The following KMT2A variants were observed in gnomAD, a reference collection of about 807,000 sequenced individuals.
The protein encoded by KMT2A is histone-lysine N-methyltransferase 2A.
In KMT2A, 16 loss-of-function variants were observed where a neutral mutation model predicts 345.3. That is an observed-to-expected ratio of 0.05 (90% CI 0.03 to 0.07). The LOEUF (loss-of-function observed/expected upper bound fraction) is 0.07. Among genes scored for constraint, KMT2A ranks in the 10% least tolerant of loss-of-function variants. The pLI is 1.00. For missense variants in KMT2A, 3,272 were observed against 4,841.6 expected, an observed-to-expected ratio of 0.68 and a Z score of 9.62; for synonymous variants, 1,599 against 1,778.6, an observed-to-expected ratio of 0.90 and a Z score of 2.54.
intron 1 of KMT2A, chr11:118,449,600 A>AG (rs1949491067): frequency 6.6e-6 from 1 of 151,476 alleles, no homozygotes; most frequent in Non-Finnish European, 1.5e-5. Context: ...AAAAAAAAAA[A>AG]AAAGAGAAAA....
At chr11:118,508,721 A>C (rs1950632353) in intron 28 of KMT2A, among the ~76,000 whole-genome samples, 2 of 112,880 alleles carry the variant, frequency 1.8e-5, no homozygotes, top group South Asian at 5.3e-4. Flanking sequence ...AACCTATCTC[A>C]AAAAAAAAAA....
chr11:118,516,715 G>GAAT (rs1950823275), intron 31 of KMT2A, among the ~76,000 whole-genome samples: 1 of 152,088 alleles, frequency 6.6e-6, no homozygotes, highest in Non-Finnish European at 1.5e-5. Flanking sequence ...TTTATTGAAT[G>GAAT]AATAAATGAG....
Position 118,490,253 on chromosome 11 carries a change from C to A in KMT2A, c.4696+4C>A. Reference sequence around the variant, plus strand: ...TGCGCCAAGCTCTTTGCTAAAGGTACCCAAAAAAGCCAGTTTTGCCAGCTT... The same window carrying A: ...TGCGCCAAGCTCTTTGCTAAAGGTAACCAAAAAAGCCAGTTTTGCCAGCTT... On this transcript the variant is annotated splice_donor_region_variant and intron_variant, in intron 13 of 35. Transcript: ENST00000534358. This position sits in a 1 kb window ranked among gnomAD's most constrained non-coding sequence, Gnocchi z 4.2. 6.5e-7 allele frequency: 1 copy of A among 1,542,932 alleles called. No individual in the cohort carries two copies. The highest frequency in any genetic ancestry group is 1.3e-5 in the South Asian group (1 of 79,434).
Position 118,505,531 on chromosome 11 carries a change from A to G in KMT2A, c.9639A>G (p.Thr3213=). The change falls in exon 27 of 36, where the codon ACA becomes ACG. Residue 3213 remains threonine, a synonymous_variant. Coordinates refer to ENST00000534358, the MANE Select transcript of KMT2A (RefSeq NM_001197104.2). The surrounding 1 kb of genome is among the most constrained non-coding windows in gnomAD (Gnocchi z 4.6). ...ESSQRTDLST[T]VATPSSGLKK... ...GCCAGAGGACAGACCTCAGTACCAC[A>G]GTAGCCACTCCATCCTCTGGACTCA... 1 of 1,614,166 alleles carries G rather than the reference A, an allele frequency of 6.2e-7. No individual in the cohort carries two copies. The highest frequency in any genetic ancestry group is 1.1e-5 in the South Asian group (1 of 91,078).
Position 118,494,420 on chromosome 11 carries a change from T to C in KMT2A, c.5289+22T>C. 1 of 1,223,266 alleles carries C rather than the reference T, an allele frequency of 8.2e-7. No individual in the cohort carries two copies. Among genetic ancestry groups the C allele is most frequent in the Non-Finnish European group, 1.2e-6 (1 of 826,564 alleles). 75.8% of individuals were successfully genotyped at this position (1,223,266 alleles called of 1,614,324 possible). ...TCGGGTGAATGATATTACTAATTCA[T>C]GTTTTTAATGCTTACCTATAAGTAA... On this transcript the variant is annotated intron_variant, in intron 17 of 35. Coordinates refer to ENST00000534358, the MANE Select transcript of KMT2A (RefSeq NM_001197104.2). This position sits in a 1 kb window ranked among gnomAD's most constrained non-coding sequence, Gnocchi z 5.8.
rs781797424 is a variant in KMT2A at position 118,476,833 on chromosome 11, C to T, written c.3185C>T (p.Ser1062Phe). 1 of 1,612,848 alleles carries T rather than the reference C, an allele frequency of 6.2e-7. No individual in the cohort carries two copies. Among genetic ancestry groups the T allele is most frequent in the Non-Finnish European group, 8.5e-7 (1 of 1,178,854 alleles). ...QGQESDSSET[S>F]VRGPRIKHVC... Reference sequence around the variant, plus strand: ...CAAGAAAGTGACTCATCAGAGACCTCTGTGCGAGGACCCCGGATTAAACAT... The same window carrying T: ...CAAGAAAGTGACTCATCAGAGACCTTTGTGCGAGGACCCCGGATTAAACAT... The change falls in exon 4 of 36, where the codon TCT becomes TTT. Residue 1062 changes from serine (S) to phenylalanine (F), a missense_variant. Ser to Phe is a radical substitution (Grantham distance 155). Around this residue, in one of 27 missense-constraint regions of KMT2A, gnomAD observed 29 missense variants for 27.1 expected, o/e 1.07. Coordinates refer to ENST00000534358, the MANE Select transcript of KMT2A (RefSeq NM_001197104.2). The surrounding 1 kb of genome is among the most constrained non-coding windows in gnomAD (Gnocchi z 4.1).
At chr11:118,451,590 T>C (rs1555028927) in intron 1 of KMT2A, among the ~76,000 whole-genome samples, 2 of 152,056 alleles carry the variant, frequency 1.3e-5, no homozygotes, top group Non-Finnish European at 2.9e-5. Flanking sequence ...GGTTTCACCA[T>C]GTTAGCCAGG....
intron 10 of KMT2A, among the ~76,000 whole-genome samples, chr11:118,486,700 T>C (rs1950236095): frequency 6.6e-6 from 1 of 151,474 alleles, no homozygotes; most frequent in Non-Finnish European, 1.5e-5. Flanking sequence ...TAGTGAGACC[T>C]CATCTCTACT....
At chr11:118,518,550 G>C (rs1397190431) in intron 31 of KMT2A, among the ~76,000 whole-genome samples, 3 of 152,110 alleles carry the variant, frequency 2.0e-5, no homozygotes, top group African/African-American at 7.2e-5. Context: ...GGAAGCTGAG[G>C]CAGGTGGATC....
At position 118,436,986 on chromosome 11, in the gene KMT2A, C is replaced by A; in HGVS notation, c.432+42C>A. The A allele has an allele frequency of 7.2e-7, 1 of 1,381,890 alleles. No individual in the cohort carries two copies. The highest frequency in any genetic ancestry group is 1.6e-5 in the South Asian group (1 of 62,002). The allele number at this position is 1,381,890 out of a possible 1,614,324, so 85.6% of individuals were successfully genotyped here. ...CCCCCAGGTCCGGGGTCTCGACCCT[C>A]TGCGGAGCCCCCTCCCCTCCCCCAT... On this transcript the variant is annotated intron_variant, in intron 1 of 35. Coordinates refer to ENST00000534358, the MANE Select transcript of KMT2A (RefSeq NM_001197104.2). This position sits in a 1 kb window ranked among gnomAD's most constrained non-coding sequence, Gnocchi z 6.9.
At chr11:118,449,425 A>G (rs944125173) in intron 1 of KMT2A, 5 of 149,142 alleles carry the variant, frequency 3.4e-5, no homozygotes, top group African/African-American at 1.2e-4. Context: ...AAAAAATTAA[A>G]AAAAAAAAAT....
rs1217617319 is a variant in KMT2A at position 118,501,766 on chromosome 11, T to C, written c.6414T>C (p.Tyr2138=). ...PPHSQTSGSC[Y]YHVISKVPRI... ...ATTCACAAACCTCTGGCTCCTGTTA[T>C]TATCATGTCATCTCAAAGGTCCCCA... The change falls in exon 26 of 36, where the codon TAT becomes TAC. Residue 2138 remains tyrosine (Y), a synonymous_variant. Transcript: ENST00000534358. 5.0e-6 allele frequency: 8 copies of C among 1,614,000 alleles called. No homozygotes were observed. Among genetic ancestry groups the C allele is most frequent in the South Asian group, 3.3e-5 (3 of 91,084 alleles).
In KMT2A at chr11:118,478,083, C is replaced by A; in HGVS notation, c.3451C>A (p.Arg1151=). The change falls in exon 5 of 36, where the codon CGA becomes AGA. Residue 1151 remains arginine, a synonymous_variant. Coordinates refer to ENST00000534358, the MANE Select transcript of KMT2A (RefSeq NM_001197104.2). The part of the protein sequence containing the change: ...PQEPPVKKGR[R]SRRCGQCPGC... ...GGAACCTCCAGTAAAGAAAGGACGTCGATCGAGGCGGTGTGGGCAGTGTCC... is the reference window on the plus strand; with the variant it reads ...GGAACCTCCAGTAAAGAAAGGACGTAGATCGAGGCGGTGTGGGCAGTGTCC... 2 of 1,614,064 alleles carry A rather than the reference C, an allele frequency of 1.2e-6. No individual in the cohort carries two copies. Among genetic ancestry groups the A allele is most frequent in the Non-Finnish European group, 1.7e-6 (2 of 1,180,012 alleles).
chr11:118,518,602 G>A (rs1176683454), intron 31 of KMT2A, among the ~76,000 whole-genome samples: 2 of 151,944 alleles, frequency 1.3e-5, no homozygotes, highest in Non-Finnish European at 2.9e-5. Context: ...CCAATATGGT[G>A]AAACCTTGTC....
At position 118,503,847 on chromosome 11, in the gene KMT2A, G is replaced by T. The variant is rs782497028; in HGVS notation, c.7955G>T (p.Ser2652Ile). The change falls in exon 27 of 36, where the codon AGC becomes ATC. Residue 2652 changes from serine to isoleucine, a missense_variant. Coordinates refer to ENST00000534358, the MANE Select transcript of KMT2A (RefSeq NM_001197104.2). The surrounding 1 kb of genome is among the most constrained non-coding windows in gnomAD (Gnocchi z 5.3). ...GGTGAAGAAGACATTCCATTCTACA[G>T]CAGCTCAACTGGGAAGAAGCGAGGC... ...SYGEEDIPFY[S>I]SSTGKKRGKR... The T allele has an allele frequency of 1.9e-5, 30 of 1,614,226 alleles. No homozygotes were observed. In the South Asian group the frequency reaches 2.5e-4, roughly 14 times the overall value.
chr11:118,501,376 C>G (rs564693995), intron 25 of KMT2A, among the ~76,000 whole-genome samples: 66 of 151,550 alleles, frequency 4.4e-4, no homozygotes, highest in Admixed American at 3.3e-3. Context: ...GGCAGAGGCA[C>G]AAGAATCACT....
At chr11:118,488,472 A>C (rs1555041525) in intron 10 of KMT2A, 142 bp from the exon 11 acceptor site, 1 of 828,310 alleles carries the variant, frequency 1.2e-6, no homozygotes, top group Admixed American at 1.9e-5. Context: ...TTTTTTACAT[A>C]GTCATTGCTT....
At chr11:118,457,546 C>T (rs1277379649) in intron 1 of KMT2A, among the ~76,000 whole-genome samples, 1 of 151,958 alleles carries the variant, frequency 6.6e-6, no homozygotes, top group Non-Finnish European at 1.5e-5. Context: ...GCTGGGATTA[C>T]AGGTGTGAGC....
At chr11:118,478,239 A>G (rs782425097) in intron 5 of KMT2A, 38 bp downstream of exon 5, 5 of 1,495,366 alleles carry the variant, frequency 3.3e-6, no homozygotes, top group Admixed American at 1.8e-5. Flanking sequence ...TGACCTCTCA[A>G]CCATAAAGGT....
Sources: allele counts gnomAD v4.1 joint callset (sites outside exome capture counted in the v4.1 genomes callset), GRCh38; gene constraint gnomAD v4.1.1; regional missense constraint gnomAD v4.1.1; non-coding constraint Gnocchi (gnomAD v3.1); transcripts MANE v1.5; gene names NCBI Gene and HGNC (gene_info 2026-07-23, HGNC 2026-07-21).